HHAT: variants seen among roughly 807,000 people sequenced by gnomAD.
HHAT encodes the protein protein-cysteine N-palmitoyltransferase HHAT.
In HHAT, 47 loss-of-function variants were observed where a neutral mutation model predicts 70.8. That is an observed-to-expected ratio of 0.66 (90% confidence interval 0.53 to 0.85). The LOEUF is 0.85. Among genes scored for constraint, HHAT ranks in the 40% least tolerant of loss-of-function variants. The pLI is 0.00. For missense variants in HHAT, 609 were observed against 604.8 expected, an observed-to-expected ratio of 1.01 and a Z score of -0.07; for synonymous variants, 228 against 247.6, an observed-to-expected ratio of 0.92 and a Z score of 0.74.
At chr1:210,425,028 A>G (rs914537583) in intron 7 of HHAT, among the ~76,000 whole-genome samples, 1 of 152,244 alleles carries the variant, frequency 6.6e-6, no homozygotes, top group South Asian at 2.1e-4. Context: ...TGGACTTTTT[A>G]ATAACAGCCA....
intron 6 of HHAT, among the ~76,000 whole-genome samples, chr1:210,416,723 G>A (rs2092731578): frequency 6.6e-6 from 1 of 152,140 alleles, no homozygotes; most frequent in Admixed American, 6.5e-5. Flanking sequence ...TTTGGTGTTT[G>A]GCTCTGAGCT....
At chr1:210,336,671 C>T (rs2085527702) in intron 1 of HHAT, among the ~76,000 whole-genome samples, 1 of 152,044 alleles carries the variant, frequency 6.6e-6, no homozygotes, top group Non-Finnish European at 1.5e-5. Context: ...GCAATCCCAG[C>T]TACTCCTGAA....
chr1:210,446,737 C>T (rs1447242505), intron 7 of HHAT, among the ~76,000 whole-genome samples: 3 of 152,236 alleles, frequency 2.0e-5, no homozygotes, highest in Non-Finnish European at 4.4e-5. Flanking sequence ...CATCATATGA[C>T]TTCCTGTCAT....
rs141017315 is a variant in HHAT, at chr1:210,599,911, C to A, written c.1245+11812C>A. Among the ~76,000 whole-genome samples, 9 of 152,224 alleles carry A rather than the reference C, an allele frequency of 5.9e-5. No homozygotes were observed. In the East Asian group the frequency reaches 1.2e-3, roughly 20 times the overall value. On this transcript the variant is annotated intron_variant, in intron 10 of 11. Coordinates refer to ENST00000261458, the MANE Select transcript of HHAT (RefSeq NM_018194.6). ...TTACTGCCTCTTCCCACTCCTCCCC[C>A]CTCACCTCTCTGTTCTTCTTTCTGT...
intron 9 of HHAT, among the ~76,000 whole-genome samples, chr1:210,552,422 A>C (rs1464471433): frequency 6.6e-6 from 1 of 152,214 alleles, no homozygotes; most frequent in Non-Finnish European, 1.5e-5. Flanking sequence ...AGATGGTGGA[A>C]ATACGGGAAA....
At chr1:210,563,730 A>G (rs1185134357) in intron 9 of HHAT, among the ~76,000 whole-genome samples, 2 of 152,188 alleles carry the variant, frequency 1.3e-5, no homozygotes, top group African/African-American at 2.4e-5. Context: ...ATTCTGTTCC[A>G]TAACCTCATA....
At chr1:210,346,212 TTTCA>T (rs1415431104) in intron 1 of HHAT, among the ~76,000 whole-genome samples, 1 of 152,182 alleles carries the variant, frequency 6.6e-6, no homozygotes, top group Non-Finnish European at 1.5e-5. Flanking sequence ...CTTCTAAAAC[TTTCA>T]TTCAGTCTAC....
Position 210,415,833 on chromosome 1 carries a change from A to G in HHAT, c.685-2321A>G, listed in dbSNP as rs551275352. On this transcript the variant is annotated intron_variant, in intron 6 of 11. Transcript: ENST00000261458. ...GCCACCACATTCAGCTAATTTTTGT[A>G]TTTTTAATAGAGACAGGGTTTCACC... 2.6e-5 allele frequency among the ~76,000 whole-genome samples: 4 copies of G among 151,996 alleles called. No homozygotes were observed. In the East Asian group the frequency reaches 5.8e-4, roughly 22 times the overall value.
intron 4 of HHAT, among the ~76,000 whole-genome samples, chr1:210,389,754 G>A (rs1043865216): frequency 1.3e-5 from 2 of 152,156 alleles, no homozygotes. Context: ...CTAGTCTCAG[G>A]TAGTTCTTTA....
At chr1:210,539,029 A>G (rs1313583259) in intron 9 of HHAT, among the ~76,000 whole-genome samples, 1 of 152,198 alleles carries the variant, frequency 6.6e-6, no homozygotes, top group African/African-American at 2.4e-5. Context: ...GTGAGCCAAG[A>G]TTGCACCACT....
chr1:210,386,261 CAG>C (rs2091059212), intron 3 of HHAT, among the ~76,000 whole-genome samples: 1 of 40,642 alleles, frequency 2.5e-5, no homozygotes, highest in Non-Finnish European at 4.6e-5. Context: ...TTTTTTGAGA[CAG>C]AGTCTCGCTC....
intron 9 of HHAT, among the ~76,000 whole-genome samples, chr1:210,556,108 T>C: frequency 6.6e-6 from 1 of 152,142 alleles, no homozygotes; most frequent in East Asian, 1.9e-4. Flanking sequence ...CTCATTTCTT[T>C]TCTTTTCCTC....
chr1:210,469,623 T>C (rs1335058046), intron 8 of HHAT, among the ~76,000 whole-genome samples: 3 of 152,210 alleles, frequency 2.0e-5, no homozygotes, highest in African/African-American at 4.8e-5. Flanking sequence ...ATATAAATAA[T>C]GATTAATAAT....
chr1:210,336,018 G>A (rs540220052), intron 1 of HHAT, among the ~76,000 whole-genome samples: 106 of 152,298 alleles, frequency 7.0e-4, no homozygotes, highest in African/African-American at 2.5e-3. Context: ...TTGATGTAAA[G>A]TTCAAAACCA....
chr1:210,461,457 C>T (rs939836495), intron 7 of HHAT, among the ~76,000 whole-genome samples: 4 of 152,174 alleles, frequency 2.6e-5, no homozygotes, highest in African/African-American at 9.7e-5. Context: ...CACCACCATG[C>T]CCGACAAATT....
At chr1:210,376,021 T>C (rs1443592335) in intron 3 of HHAT, among the ~76,000 whole-genome samples, 3 of 147,702 alleles carry the variant, frequency 2.0e-5, no homozygotes, top group Non-Finnish European at 3.0e-5. Flanking sequence ...CTAATTTTTT[T>C]TTTTTTTTTT....
At chr1:210,458,759 C>T (rs192939479) in intron 7 of HHAT, among the ~76,000 whole-genome samples, 23 of 152,222 alleles carry the variant, frequency 1.5e-4, no homozygotes, top group African/African-American at 3.1e-4. Flanking sequence ...CACCTTTCAG[C>T]GTGAGATTTT....
At chr1:210,479,929 G>T (rs2094366448) in intron 8 of HHAT, among the ~76,000 whole-genome samples, 1 of 152,180 alleles carries the variant, frequency 6.6e-6, no homozygotes, top group African/African-American at 2.4e-5. Flanking sequence ...GTCCTTACTA[G>T]TTCTGTCACC....
At chr1:210,667,787 G>A (rs746075292) in intron 11 of HHAT, among the ~76,000 whole-genome samples, 1 of 151,852 alleles carries the variant, frequency 6.6e-6, no homozygotes, top group Non-Finnish European at 1.5e-5. Context: ...TTTTGCCAAG[G>A]GCTTCTTCAC....
Sources: gnomAD v4.1 joint callset for allele counts (sites outside exome capture counted in the v4.1 genomes callset) on GRCh38, gnomAD v4.1.1 for gene constraint, MANE v1.5 for transcripts, NCBI Gene and HGNC (gene_info 2026-07-23, HGNC 2026-07-21) for gene names.